Variants in CCDC180 observed in about 807,000 individuals in gnomAD.
CCDC180 encodes coiled-coil domain containing 180, also known as coiled-coil domain-containing protein 180.
Under a neutral mutation model 209.2 loss-of-function variants are expected in CCDC180, and 154 were observed. The observed-to-expected ratio is 0.74, with a 90% confidence interval of 0.65 to 0.84. The LOEUF is 0.84. CCDC180 is among the 40% of genes least tolerant of loss of function. CCDC180 has a pLI of 0.00. For synonymous variants in CCDC180, 778 were observed against 749.1 expected, an observed-to-expected ratio of 1.04 and a Z score of -0.63; for missense variants, 1,874 against 1,997.3, an observed-to-expected ratio of 0.94 and a Z score of 1.18.
At chr9:97,342,744 C>A (rs1826124129) in intron 18 of CCDC180, among the ~76,000 whole-genome samples, 1 of 152,184 alleles carries the variant, frequency 6.6e-6, no homozygotes, top group African/African-American at 2.4e-5. Context: ...TCTTGCTTCA[C>A]CTTGGTCTGT....
rs1826896682 is a variant in CCDC180 at position 97,365,644 on chromosome 9, C to T, written c.3981-29C>T. Reference sequence around the variant, plus strand: ...ATGTTTGTGTGTCTAGACCAGGCCCCTCAGGGATCTGTCTCGTGTGTGTTG... The same window carrying T: ...ATGTTTGTGTGTCTAGACCAGGCCCTTCAGGGATCTGTCTCGTGTGTGTTG... On this transcript the variant is annotated intron_variant, in intron 29 of 36. Coordinates refer to ENST00000529487, the MANE Select transcript of CCDC180 (RefSeq NM_020893.6). 3.7e-6 allele frequency: 6 copies of T among 1,608,130 alleles called. No individual in the cohort carries two copies. In the East Asian group the frequency reaches 1.1e-4, roughly 30 times the overall value.
At chr9:97,361,659 C>T (rs1050206902) in intron 26 of CCDC180, 67 bp from the exon 27 acceptor site, 104 of 1,529,566 alleles carry the variant, frequency 6.8e-5, no homozygotes, top group Non-Finnish European at 8.4e-5. Context: ...AACATGAATT[C>T]GGCCTGCTGC....
chr9:97,353,439 G>A (rs1027864071), intron 22 of CCDC180, among the ~76,000 whole-genome samples: 1 of 152,032 alleles, frequency 6.6e-6, no homozygotes, highest in African/African-American at 2.4e-5. Flanking sequence ...ATGGTTTTTG[G>A]GAGGTCTGTT....
upstream of CCDC180, chr9:97,307,507 C>A: frequency 1.7e-6 from 1 of 601,876 alleles, no homozygotes; most frequent in Non-Finnish European, 3.0e-6. Flanking sequence ...CTGGTTGGGT[C>A]TTCTCAGCAC....
intron 31 of CCDC180, among the ~76,000 whole-genome samples, chr9:97,367,252 G>C (rs1826949179): frequency 6.6e-6 from 1 of 152,092 alleles, no homozygotes; most frequent in Non-Finnish European, 1.5e-5. Context: ...GTTGTAGATG[G>C]TGCCAGTACT....
At chr9:97,345,212 A>G (rs1315374913) in intron 19 of CCDC180, among the ~76,000 whole-genome samples, 1 of 152,240 alleles carries the variant, frequency 6.6e-6, no homozygotes, top group African/African-American at 2.4e-5. Context: ...TACATATAGA[A>G]CTAAGAGTGG....
Position 97,328,048 on chromosome 9 carries a change from A to G in CCDC180, c.1690A>G (p.Lys564Glu). The change falls in exon 16 of 37, where the codon AAG becomes GAG. Residue 564 changes from lysine (K) to glutamate (E), a missense_variant. Transcript: ENST00000529487. ...RYECFHTLLT[K>E]EVMEYPAIML... Reference sequence around the variant, plus strand: ...TGAATGTTTTCACACCCTCCTGACAAAGGAAGTGATGGAGTACCCAGCGAT... The same window carrying G: ...TGAATGTTTTCACACCCTCCTGACAGAGGAAGTGATGGAGTACCCAGCGAT... The G allele has an allele frequency of 1.2e-6, 2 of 1,613,934 alleles. No homozygotes were observed. Among genetic ancestry groups the G allele is most frequent in the Non-Finnish European group, 1.7e-6 (2 of 1,179,898 alleles).
At chr9:97,334,655 T>C (rs1249174716) in intron 18 of CCDC180, among the ~76,000 whole-genome samples, 1 of 152,190 alleles carries the variant, frequency 6.6e-6, no homozygotes, top group East Asian at 1.9e-4. Context: ...CCTGTTTTCC[T>C]ATATAGGCTA....
chr9:97,321,749 A>G (rs1833365368), intron 11 of CCDC180, among the ~76,000 whole-genome samples: 1 of 152,174 alleles, frequency 6.6e-6, no homozygotes, highest in African/African-American at 2.4e-5. Context: ...ACAGTTAGGG[A>G]CACAGCTGGT....
chr9:97,322,891 G>C lies in CCDC180; in HGVS notation c.1218G>C (p.Gln406His). The C allele has an allele frequency of 6.2e-7, 1 of 1,614,066 alleles. No homozygotes were observed. Among genetic ancestry groups the C allele is most frequent in the South Asian group, 1.1e-5 (1 of 91,074 alleles). Residue 406 changes from glutamine (Q) to histidine (H), a missense_variant, in exon 12 of 37, where the codon CAG (glutamine) becomes CAC (histidine). Gln to His is a conservative substitution (Grantham distance 24, BLOSUM62 0). Coordinates refer to ENST00000529487, the MANE Select transcript of CCDC180 (RefSeq NM_020893.6). ...GCCTGCTGTATGAGAAGACATGGCA[G>C]GAGTGCCTGATGCATGTGCAGAATT... ...RIRLLYEKTW[Q>H]ECLMHVQNCK...
rs774805943 is a variant in CCDC180, at chr9:97,362,325, T to G, written c.3786T>G (p.Pro1262=). The G allele has an allele frequency of 2.5e-6, 4 of 1,613,980 alleles. No homozygotes were observed. The African/African-American group carries it at 5.3e-5, about 22-fold the overall frequency. ...AGAGGAVCSP[P]VLCSCPGPSS... is the part of the protein sequence containing the mutation. Reference sequence around the variant, plus strand: ...CTGGTGGTGCTGTGTGCTCACCTCCTGTCCTCTGCTCCTGTCCTGGGCCCT... The same window carrying G: ...CTGGTGGTGCTGTGTGCTCACCTCCGGTCCTCTGCTCCTGTCCTGGGCCCT... The change falls in exon 28 of 37, where the codon CCT becomes CCG. Residue 1262 remains proline (P), a synonymous_variant. Coordinates refer to ENST00000529487, the MANE Select transcript of CCDC180 (RefSeq NM_020893.6).
chr9:97,360,207 G>C (rs949107823), intron 26 of CCDC180, 106 bp downstream of exon 26: 1 of 1,335,232 alleles, frequency 7.5e-7, no homozygotes, highest in Non-Finnish European at 1.0e-6. Context: ...GGACTCCCAG[G>C]CCTCCGCGGG....
rs1351110171 is a variant in CCDC180 at position 97,313,428 on chromosome 9, C to G, written c.459+83C>G. The G allele has an allele frequency of 5.4e-6, 5 of 928,828 alleles. No individual in the cohort carries two copies. The East Asian group carries it at 8.2e-5, about 15-fold the overall frequency. 57.5% of individuals were successfully genotyped at this position (928,828 alleles called of 1,614,324 possible). A position where few individuals can be genotyped will look rare whatever the true frequency, so the allele number is the denominator to read the frequency against. ...GTCATGGCTCCCAGCCTTCCTCCCC[C>G]TCTCCAGCAGAGAGGTCCTCAGGGG... On this transcript the variant is annotated intron_variant, in intron 5 of 36. Transcript: ENST00000529487.
intron 28 of CCDC180, chr9:97,363,540 G>A (rs200913996): frequency 2.2e-4 from 116 of 519,446 alleles, no homozygotes; most frequent in African/African-American, 1.9e-3. Flanking sequence ...AGGGCTGCCA[G>A]ATAAAAGAGA....
intron 19 of CCDC180, among the ~76,000 whole-genome samples, chr9:97,344,474 C>CAA (rs1176721009): frequency 6.6e-6 from 1 of 152,194 alleles, no homozygotes; most frequent in Non-Finnish European, 1.5e-5. Flanking sequence ...CAAAGGCCAG[C>CAA]AAGGACTATC....
At chr9:97,375,333 A>T in intron 35 of CCDC180, 121 bp from the exon 36 acceptor site, 2 of 1,308,262 alleles carry the variant, frequency 1.5e-6, no homozygotes, top group Admixed American at 2.0e-5. Flanking sequence ...TCTTTTCATT[A>T]AGATATTTAA....
chr9:97,345,781 A>C (rs1826248149), intron 19 of CCDC180: 1 of 170,966 alleles, frequency 5.8e-6, no homozygotes, highest in Non-Finnish European at 1.3e-5. Context: ...ATTCTATATA[A>C]GGCTTTGTCA....
intron 18 of CCDC180, among the ~76,000 whole-genome samples, chr9:97,341,668 C>T (rs572550410): frequency 5.9e-5 from 9 of 152,228 alleles, no homozygotes; most frequent in Non-Finnish European, 5.9e-5. Context: ...TCTGTCCATT[C>T]TCGGAGCTCA....
chr9:97,339,257 T>C (rs1436265309), intron 18 of CCDC180, among the ~76,000 whole-genome samples: 1 of 152,242 alleles, frequency 6.6e-6, no homozygotes, highest in Non-Finnish European at 1.5e-5. Flanking sequence ...CTAGCATTGA[T>C]GGTCTTTACA....
Sources: allele counts gnomAD v4.1 joint callset (sites outside exome capture counted in the v4.1 genomes callset), GRCh38; gene constraint gnomAD v4.1.1; transcripts MANE v1.5; gene names NCBI Gene and HGNC (gene_info 2026-07-23, HGNC 2026-07-21).